KCNT2: variants seen among roughly 807,000 people sequenced by gnomAD.
KCNT2 encodes potassium channel subfamily T member 2.
Under a neutral mutation model 153.8 loss-of-function variants are expected in KCNT2, and 67 were observed. The observed-to-expected ratio is 0.44, with a 90% confidence interval of 0.36 to 0.53. The LOEUF is 0.53. KCNT2 is among the 20% of genes least tolerant of loss of function. The probability of loss-of-function intolerance (pLI) is 0.00; values close to 1 mark genes in which losing one functional copy is unlikely to be tolerated. For synonymous variants in KCNT2, 500 were observed against 458.8 expected (o/e 1.09, Z -1.15); for missense variants, 975 against 1,354.8 (o/e 0.72, Z 4.40).
chr1:196,551,167 A>T (rs1353865088), intron 1 of KCNT2, among the ~76,000 whole-genome samples: 1 of 151,842 alleles, frequency 6.6e-6, no homozygotes, highest in Non-Finnish European at 1.5e-5. Flanking sequence ...TGATTAACTC[A>T]TGCTTAGATA....
intron 8 of KCNT2, among the ~76,000 whole-genome samples, chr1:196,431,988 G>A (rs1175016137): frequency 2.0e-5 from 3 of 151,988 alleles, no homozygotes; most frequent in Non-Finnish European, 2.9e-5. Context: ...CTCATCACAG[G>A]ACCAGAGTGT....
intron 1 of KCNT2, among the ~76,000 whole-genome samples, chr1:196,561,602 T>G (rs1188388890): frequency 4.5e-5 from 6 of 132,854 alleles, no homozygotes; most frequent in Admixed American, 1.7e-4. Context: ...TGCAGTGAGC[T>G]GAGATCACAC....
chr1:196,348,996 G>A (rs567991350), intron 14 of KCNT2, among the ~76,000 whole-genome samples: 28 of 152,162 alleles, frequency 1.8e-4, no homozygotes, highest in African/African-American at 6.0e-4. Flanking sequence ...TAGTCTCTCT[G>A]AATAAAGGGG....
chr1:196,415,343 G>A (rs540795203), intron 12 of KCNT2, among the ~76,000 whole-genome samples: 6 of 151,940 alleles, frequency 3.9e-5, no homozygotes, highest in African/African-American at 1.4e-4. Flanking sequence ...ACATAATGTA[G>A]TGTTTGCATC....
chr1:196,293,859 CAA>C (rs571759690), intron 22 of KCNT2, among the ~76,000 whole-genome samples: 1,528 of 115,196 alleles, frequency 0.013, 23 homozygotes, highest in African/African-American at 0.04. Context: ...TCTGCACAGT[CAA>C]AAAAAAAAAA....
chr1:196,375,612 T>C (rs1202673125), intron 13 of KCNT2, among the ~76,000 whole-genome samples: 1 of 151,730 alleles, frequency 6.6e-6, no homozygotes, highest in Non-Finnish European at 1.5e-5. Context: ...ACATGCTTTT[T>C]ATTATTATTT....
intron 12 of KCNT2, among the ~76,000 whole-genome samples, chr1:196,416,967 A>G (rs1672807863): frequency 6.6e-6 from 1 of 151,818 alleles, no homozygotes; most frequent in Non-Finnish European, 1.5e-5. Flanking sequence ...TCTACTCTCT[A>G]TGTCCATTAG....
intron 21 of KCNT2, 88 bp from the exon 22 acceptor site, chr1:196,305,433 C>A (rs1246739343): frequency 3.8e-5 from 27 of 713,068 alleles, no homozygotes; most frequent in Non-Finnish European, 6.6e-5. Context: ...TGATTCCTAG[C>A]CTTGGGCATA....
chr1:196,541,397 GAT>G (rs1491422577), intron 1 of KCNT2, among the ~76,000 whole-genome samples: 2 of 150,894 alleles, frequency 1.3e-5, no homozygotes, highest in Non-Finnish European at 1.5e-5. Context: ...TATAAACTAA[GAT>G]ATTTTTTTTC....
At chr1:196,516,239 G>A (rs1365561138) in intron 1 of KCNT2, among the ~76,000 whole-genome samples, 1 of 152,126 alleles carries the variant, frequency 6.6e-6, no homozygotes, top group African/African-American at 2.4e-5. Flanking sequence ...CCAGAGGGAG[G>A]GGCAGGCCAC....
At chr1:196,473,059 G>C (rs1300703122) in intron 5 of KCNT2, among the ~76,000 whole-genome samples, 2 of 152,116 alleles carry the variant, frequency 1.3e-5, no homozygotes, top group Non-Finnish European at 2.9e-5. Context: ...TCCATGGACG[G>C]AATATATAAA....
chr1:196,478,253 C>G (rs1678707167), intron 5 of KCNT2, among the ~76,000 whole-genome samples: 1 of 152,084 alleles, frequency 6.6e-6, no homozygotes, highest in Non-Finnish European at 1.5e-5. Context: ...GTCAGTTTTC[C>G]TTTCATACTG....
intron 1 of KCNT2, among the ~76,000 whole-genome samples, chr1:196,498,504 A>G (rs1680430014): frequency 6.6e-6 from 1 of 152,110 alleles, no homozygotes; most frequent in African/African-American, 2.4e-5. Context: ...ACTCATCTCA[A>G]ACAAGGGATT....
At chr1:196,469,124 G>A (rs1344184543) in intron 5 of KCNT2, 56 bp from the exon 6 acceptor site, 3 of 988,222 alleles carry the variant, frequency 3.0e-6, no homozygotes, top group Non-Finnish European at 3.1e-6. Context: ...CCTATTAAAG[G>A]GGGAAAAAGA....
chr1:196,340,640 C>T (rs998869682), intron 15 of KCNT2, 70 bp from the exon 16 acceptor site: 19 of 900,252 alleles, frequency 2.1e-5, no homozygotes, highest in Middle Eastern at 5.5e-4. Flanking sequence ...AAAATAAAAG[C>T]TTTAAATAAT....
intron 22 of KCNT2, among the ~76,000 whole-genome samples, chr1:196,298,755 A>G (rs1660906200): frequency 6.7e-6 from 1 of 148,350 alleles, no homozygotes. Context: ...TGCCCACACC[A>G]GCTTATAGAG....
chr1:196,529,479 A>G (rs981059812), intron 1 of KCNT2, among the ~76,000 whole-genome samples: 10 of 152,146 alleles, frequency 6.6e-5, no homozygotes, highest in Admixed American at 5.9e-4. Flanking sequence ...TGGAGACATT[A>G]TGATCTTCTG....
rs554209996 is a variant in KCNT2, at chr1:196,330,184, C to A, written c.2103+972G>T. 3.7e-4 allele frequency among the ~76,000 whole-genome samples: 56 copies of A among 151,124 alleles called. 1 individual carries two copies. Among genetic ancestry groups the A allele is most frequent in the Middle Eastern group, 3.4e-3 (1 of 292 alleles). ...AATTTTCTAATGTTCTGTAAATCTT[C>A]TTCCTCAAGAGTGACAGTAATAGTC... On this transcript the variant is annotated intron_variant, in intron 18 of 27. Coordinates refer to ENST00000294725, the MANE Select transcript of KCNT2 (RefSeq NM_198503.5).
At chr1:196,523,206 C>T (rs1471537236) in intron 1 of KCNT2, among the ~76,000 whole-genome samples, 1 of 152,102 alleles carries the variant, frequency 6.6e-6, no homozygotes, top group Non-Finnish European at 1.5e-5. Flanking sequence ...TGTGGCTTCA[C>T]TCCTGAAGTT....
Sources: gnomAD v4.1 joint callset for allele counts (sites outside exome capture counted in the v4.1 genomes callset) on GRCh38, gnomAD v4.1.1 for gene constraint, MANE v1.5 for transcripts, NCBI Gene and HGNC (gene_info 2026-07-23, HGNC 2026-07-21) for gene names.